MAP4K3: variants seen among roughly 807,000 people sequenced by gnomAD.
MAP4K3 encodes mitogen-activated protein kinase kinase kinase kinase 3, also known as MAPK/ERK kinase kinase kinase 3.
Under a neutral mutation model 143.5 loss-of-function variants are expected in MAP4K3, and 94 were observed. The observed-to-expected ratio is 0.65, with a 90% CI of 0.55 to 0.78. The LOEUF is 0.78. MAP4K3 is among the 30% of genes least tolerant of loss of function. The probability of loss-of-function intolerance (pLI) is 0.00; values close to 1 mark genes in which losing one functional copy is unlikely to be tolerated. For missense variants in MAP4K3, 1,077 were observed against 1,068.1 expected, an observed-to-expected ratio of 1.01 and a Z score of -0.12; for synonymous variants, 416 against 347.2, an observed-to-expected ratio of 1.20 and a Z score of -2.20.
intron 13 of MAP4K3, 126 bp from the exon 14 acceptor site, chr2:39,309,645 C>A: frequency 5.3e-6 from 3 of 562,220 alleles, no homozygotes; most frequent in South Asian, 2.2e-5. Flanking sequence ...GCAATCTCCA[C>A]CCCCTGGGTT....
At chr2:39,429,194 A>G (rs1665202259) in intron 1 of MAP4K3, among the ~76,000 whole-genome samples, 1 of 152,180 alleles carries the variant, frequency 6.6e-6, no homozygotes, top group Non-Finnish European at 1.5e-5. Context: ...TATGGCTCAC[A>G]TTATAATTAC....
intron 12 of MAP4K3, among the ~76,000 whole-genome samples, chr2:39,316,434 T>TTTCA (rs1683114701): frequency 6.6e-6 from 1 of 152,124 alleles, no homozygotes; most frequent in Admixed American, 6.5e-5. Flanking sequence ...AGAGGCCATA[T>TTTCA]TTCACCCTTT....
At chr2:39,253,880 C>T (rs1680245094) in intron 32 of MAP4K3, among the ~76,000 whole-genome samples, 1 of 152,074 alleles carries the variant, frequency 6.6e-6, no homozygotes, top group Non-Finnish European at 1.5e-5. Context: ...GAATATGTCA[C>T]ACAGCTTGGA....
At chr2:39,382,365 G>T (rs1666376276) in intron 1 of MAP4K3, among the ~76,000 whole-genome samples, 1 of 152,196 alleles carries the variant, frequency 6.6e-6, no homozygotes, top group Admixed American at 6.5e-5. Context: ...ACCTTACTAT[G>T]TAGAAGGGCA....
intron 26 of MAP4K3, among the ~76,000 whole-genome samples, chr2:39,269,959 ACT>A (rs1425961832): frequency 6.6e-4 from 100 of 151,990 alleles, no homozygotes; most frequent in Non-Finnish European, 2.1e-4. Context: ...AACTCCCCAC[ACT>A]CTTAACGAAT....
intron 13 of MAP4K3, among the ~76,000 whole-genome samples, chr2:39,311,108 C>G (rs181317229): frequency 2.0e-5 from 3 of 152,270 alleles, no homozygotes; most frequent in Admixed American, 2.0e-4. Flanking sequence ...GACGGAGTCT[C>G]TTTCCGTTGC....
At position 39,315,385 on chromosome 2, in the gene MAP4K3, G is replaced by C. The variant is rs1343463562; in HGVS notation, c.922C>G (p.Leu308Val). Reference sequence around the variant, plus strand: ...TGAATTCTATGTGGTACAGCAACAAGAGGCTAGAAAAGAACAAAATCAATG... The same window carrying C: ...TGAATTCTATGTGGTACAGCAACAACAGGCTAGAAAAGAACAAAATCAATG... ...HDFDDDDPEPLVAVPHRIHST... is the reference protein window; with the variant it reads ...HDFDDDDPEPVVAVPHRIHST... Residue 308 changes from leucine (L) to valine (V), a missense_variant, in exon 13 of 34, where the codon CTT becomes GTT. Transcript: ENST00000263881. 6.2e-6 allele frequency: 10 copies of C among 1,608,892 alleles called. No individual in the cohort carries two copies. The African/African-American group carries it at 1.2e-4, about 19-fold the overall frequency.
rs1330064395 is a variant in MAP4K3, at chr2:39,258,675, C to A, written c.2309-88G>T. On this transcript the variant is annotated intron_variant, in intron 29 of 33. Coordinates refer to ENST00000263881, the MANE Select transcript of MAP4K3 (RefSeq NM_003618.4). ...TGAAGAAAAAGAATTCTGAGGATAACAATACTTGAAACGGATATGTCTTCT... is the reference window on the plus strand; with the variant it reads ...TGAAGAAAAAGAATTCTGAGGATAAAAATACTTGAAACGGATATGTCTTCT... 8 of 951,312 alleles carry A rather than the reference C, an allele frequency of 8.4e-6. No individual in the cohort carries two copies. In the East Asian group the frequency reaches 1.9e-4, roughly 23 times the overall value. 58.9% of individuals were successfully genotyped at this position (951,312 alleles called of 1,614,324 possible).
chr2:39,260,753 G>C lies in MAP4K3; in HGVS notation c.2161C>G (p.Pro721Ala). 1 of 1,612,764 alleles carries C rather than the reference G, an allele frequency of 6.2e-7. No homozygotes were observed. Among genetic ancestry groups the C allele is most frequent in the Non-Finnish European group, 8.5e-7 (1 of 1,178,940 alleles). The change falls in exon 29 of 34, where the codon CCA becomes GCA. Residue 721 changes from proline to alanine, a missense_variant. Coordinates refer to ENST00000263881, the MANE Select transcript of MAP4K3 (RefSeq NM_003618.4). Reference protein sequence around the residue: ...IKHIDFPIPCPLRMFEMLVVP... With the variant: ...IKHIDFPIPCALRMFEMLVVP... ...ACCAGCATTTCAAACATTCTAAGTG[G>C]ACATGGTATAGGAAAATCTATGTGC...
Position 39,356,424 on chromosome 2 carries a change from C to T in MAP4K3, c.155-85G>A, listed in dbSNP as rs542190851. Reference sequence around the variant, plus strand: ...TTCAAAACACAATAAAATAATTATACGTATTAATAAGTATAACATAATTAA... The same window carrying T: ...TTCAAAACACAATAAAATAATTATATGTATTAATAAGTATAACATAATTAA... On this transcript the variant is annotated intron_variant, in intron 2 of 33. Transcript: ENST00000263881. 2.8e-4 allele frequency: 202 copies of T among 734,028 alleles called. 2 individuals are homozygous for T. The highest frequency in any genetic ancestry group is 1.3e-3 in the South Asian group (79 of 61,692). 45.5% of individuals were successfully genotyped at this position (734,028 alleles called of 1,614,324 possible). A position where few individuals can be genotyped will look rare whatever the true frequency, so the allele number is the denominator to read the frequency against.
intron 3 of MAP4K3, among the ~76,000 whole-genome samples, chr2:39,350,844 C>T (rs9309039): frequency 0.7 from 106,869 of 152,028 alleles, 41,781 homozygotes; most frequent in Non-Finnish European, 0.87. Context: ...ATCTCCACAA[C>T]CTTATCTACT....
At chr2:39,287,215 T>A (rs1345786016) in intron 20 of MAP4K3, among the ~76,000 whole-genome samples, 4 of 152,214 alleles carry the variant, frequency 2.6e-5, no homozygotes, top group African/African-American at 9.6e-5. Context: ...TTTGTTAGCA[T>A]TAAAAAACCA....
chr2:39,287,292 G>C (rs942186210), intron 20 of MAP4K3, among the ~76,000 whole-genome samples: 19 of 80,130 alleles, frequency 2.4e-4, no homozygotes, highest in African/African-American at 8.7e-4. Flanking sequence ...AGAAACTTTA[G>C]TTGCTCTTTT....
At chr2:39,332,116 A>G in intron 7 of MAP4K3, 127 bp from the exon 8 acceptor site, 1 of 497,470 alleles carries the variant, frequency 2.0e-6, no homozygotes, top group Admixed American at 3.1e-5. Context: ...GATATTCTCA[A>G]ACATCACATT....
rs1303569134 is a variant in MAP4K3 at position 39,437,089 on chromosome 2, C to T, written c.-102G>A. ...CGCCGCGGCCGGCTCCCGGCTCCCCCGGCGGTCACAATCACCCGGCTCCAC... is the reference window on the plus strand; with the variant it reads ...CGCCGCGGCCGGCTCCCGGCTCCCCTGGCGGTCACAATCACCCGGCTCCAC... On this transcript the variant is annotated 5_prime_UTR_variant, in exon 1 of 34. Coordinates refer to ENST00000263881, the MANE Select transcript of MAP4K3 (RefSeq NM_003618.4). 4 of 827,456 alleles carry T rather than the reference C, an allele frequency of 4.8e-6. No individual in the cohort carries two copies. In the East Asian group the frequency reaches 1.3e-4, roughly 28 times the overall value. 51.3% of individuals were successfully genotyped at this position (827,456 alleles called of 1,614,324 possible).
At chr2:39,414,594 G>C (rs1025017518) in intron 1 of MAP4K3, among the ~76,000 whole-genome samples, 10 of 152,046 alleles carry the variant, frequency 6.6e-5, no homozygotes, top group Non-Finnish European at 1.3e-4. Flanking sequence ...TACCAACCTA[G>C]GCCGGGTGCG....
rs948455607 is a variant in MAP4K3, at chr2:39,427,069, CAG to C, written c.96+9821_96+9822del. On this transcript the variant is annotated intron_variant, in intron 1 of 33. Transcript: ENST00000263881. ...AAAGAAAAAAATCTTAAAAGTCAAACAGGGAGGAAAGAAAAAGTAAGATTAGC... is the reference window on the plus strand; with the variant it reads ...AAAGAAAAAAATCTTAAAAGTCAAACGGAGGAAAGAAAAAGTAAGATTAGC... Among the ~76,000 whole-genome samples, 164 of 152,032 alleles carry C rather than the reference CAG, an allele frequency of 1.1e-3. 3 individuals are homozygous for C. The highest frequency in any genetic ancestry group is 3.9e-3 in the African/African-American group (160 of 41,500).
chr2:39,325,485 T>A, intron 12 of MAP4K3, 33 bp downstream of exon 12: 1 of 1,400,228 alleles, frequency 7.1e-7, no homozygotes, highest in Non-Finnish European at 1.0e-6. Flanking sequence ...CATATACATG[T>A]TATATATGCC....
rs1666615784 is a variant in MAP4K3, at chr2:39,390,247, C to T, written c.97-12124G>A. Among the ~76,000 whole-genome samples, 4 of 152,120 alleles carry T rather than the reference C, an allele frequency of 2.6e-5. No individual in the cohort carries two copies. The South Asian group carries it at 8.3e-4, about 32-fold the overall frequency. ...AATGATTTTTAAAGTCCTGTTGTGC[C>T]TTCAGATTGCCACACGATAATCCTG... On this transcript the variant is annotated intron_variant, in intron 1 of 33. Coordinates refer to ENST00000263881, the MANE Select transcript of MAP4K3 (RefSeq NM_003618.4).
Sources: gnomAD v4.1 joint callset for allele counts (sites outside exome capture counted in the v4.1 genomes callset) on GRCh38, gnomAD v4.1.1 for gene constraint, MANE v1.5 for transcripts, NCBI Gene and HGNC (gene_info 2026-07-23, HGNC 2026-07-21) for gene names.